CDH23: variants seen among roughly 807,000 people sequenced by gnomAD.
The protein encoded by CDH23 is cadherin related 23, also known as cadherin-23.
In CDH23, 189 loss-of-function variants were observed where a neutral mutation model predicts 317.1. The observed-to-expected ratio is 0.60, with a 90% CI of 0.53 to 0.67. The LOEUF (loss-of-function observed/expected upper bound fraction) is 0.67. Among genes scored for constraint, CDH23 ranks in the 30% least tolerant of loss-of-function variants. The pLI is 0.00. For missense variants in CDH23, 4,401 were observed against 4,592.4 expected, an observed-to-expected ratio of 0.96 and a Z score of 1.20; for synonymous variants, 1,839 against 1,876.8, an observed-to-expected ratio of 0.98 and a Z score of 0.52.
At position 71,785,805 on chromosome 10, in the gene CDH23, C is replaced by T. The variant is rs1440029902; in HGVS notation, c.5820+67C>T. On this transcript the variant is annotated intron_variant, in intron 44 of 69. Transcript: ENST00000224721. ...AGGCGCATGGAGAGAGAACACATCA[C>T]CCCTCCTGCAGGCAGCATAGCCAGG... The T allele has an allele frequency of 7.3e-6, 7 of 961,154 alleles. No individual in the cohort carries two copies. The South Asian group carries it at 8.3e-5, about 11-fold the overall frequency. 59.5% of individuals were successfully genotyped at this position (961,154 alleles called of 1,614,324 possible). A position where few individuals can be genotyped will look rare whatever the true frequency, so the allele number is the denominator to read the frequency against.
At chr10:71,738,712 T>C (rs1476992905) in intron 35 of CDH23, 65 bp downstream of exon 35, 4 of 1,563,390 alleles carry the variant, frequency 2.6e-6, no homozygotes, top group Non-Finnish European at 3.5e-6. Context: ...CTCTCACAGC[T>C]GGAGGGGCCT....
intron 19 of CDH23, among the ~76,000 whole-genome samples, chr10:71,688,889 G>GCC (rs1263305827): frequency 3.3e-5 from 4 of 121,658 alleles, no homozygotes; most frequent in East Asian, 2.5e-4. Context: ...AGCCAGGGGT[G>GCC]GTGGAGCCAG....
Position 71,739,804 on chromosome 10 carries a change from C to G in CDH23, c.4488+32C>G, listed in dbSNP as rs10762474. ...CCTGGCCTCCCTTGGACTGAGAGAC[C>G]ACTGGCTAAGTGCCTAGACCGGTCA... On this transcript the variant is annotated intron_variant, in intron 36 of 69. Transcript: ENST00000224721. The G allele has an allele frequency of 0.55, 871,563 of 1,582,254 alleles. 244,844 individuals carry two copies. Among genetic ancestry groups the G allele is most frequent in the Non-Finnish European group, 0.59 (680,589 of 1,163,138 alleles).
intron 14 of CDH23, among the ~76,000 whole-genome samples, chr10:71,667,685 A>T (rs368419867): frequency 6.6e-6 from 1 of 152,086 alleles, no homozygotes; most frequent in Non-Finnish European, 1.5e-5. Flanking sequence ...GGGCAAATCA[A>T]TGGAAAAGGG....
chr10:71,689,006 G>A (rs185698693), intron 19 of CDH23, among the ~76,000 whole-genome samples: 1 of 104,436 alleles, frequency 9.6e-6, no homozygotes, highest in African/African-American at 3.3e-5. Flanking sequence ...GTGGAGCCAG[G>A]GGTGGTGGAG....
Position 71,751,170 on chromosome 10 carries a change from A to G in CDH23, c.4845+9249A>G, listed in dbSNP as rs1306140457. 1.3e-6 allele frequency: 2 copies of G among 1,484,494 alleles called. No individual in the cohort carries two copies. The highest frequency in any genetic ancestry group is 1.8e-6 in the Non-Finnish European group (2 of 1,089,550). 92.0% of individuals were successfully genotyped at this position (1,484,494 alleles called of 1,614,324 possible). ...AGGGAGGGAACCAGGGCCGAGGCCA[A>G]GGAGGCCACTCACAGAGCCAGCCCT... On this transcript the variant is annotated intron_variant, in intron 38 of 69. Coordinates refer to ENST00000224721, the MANE Select transcript of CDH23 (RefSeq NM_022124.6). This position sits in a 1 kb window ranked among gnomAD's most constrained non-coding sequence, Gnocchi z 4.9.
chr10:71,811,468 G>T lies in CDH23; in HGVS notation c.9198+33G>T, dbSNP rs755700145. On this transcript the variant is annotated intron_variant, in intron 63 of 69. Coordinates refer to ENST00000224721, the MANE Select transcript of CDH23 (RefSeq NM_022124.6). The stretch of plus-strand genomic sequence containing the variant: ...GCGACCGTGCCCCACAGCCCTAGCC[G>T]CCCTCCCCACTGCCCGGGCTTACCC... 12 of 1,613,790 alleles carry T rather than the reference G, an allele frequency of 7.4e-6. No individual in the cohort carries two copies. In the Admixed American group the frequency reaches 1.2e-4, roughly 16 times the overall value.
chr10:71,568,400 G>A (rs1369864178), intron 7 of CDH23, among the ~76,000 whole-genome samples: 1 of 152,212 alleles, frequency 6.6e-6, no homozygotes, highest in Non-Finnish European at 1.5e-5. Context: ...CCCGCTGTGG[G>A]ATAATTTCCA....
At chr10:71,561,372 A>C (rs1857123354) in intron 6 of CDH23, among the ~76,000 whole-genome samples, 3 of 145,770 alleles carry the variant, frequency 2.1e-5, no homozygotes, top group Admixed American at 6.8e-5. Flanking sequence ...TCTCTGCCCC[A>C]CTCCCTCTGG....
At chr10:71,637,129 G>A (rs976132656) in intron 11 of CDH23, among the ~76,000 whole-genome samples, 5 of 152,188 alleles carry the variant, frequency 3.3e-5, no homozygotes, top group African/African-American at 1.2e-4. Flanking sequence ...TGAATTAAGT[G>A]AAAGGATGGA....
intron 1 of CDH23, among the ~76,000 whole-genome samples, chr10:71,413,239 T>C (rs1405179173): frequency 6.6e-6 from 1 of 152,228 alleles, no homozygotes; most frequent in Non-Finnish European, 1.5e-5. Context: ...AAAACTGTCC[T>C]TTCCCCATTG....
At position 71,799,170 on chromosome 10, in the gene CDH23, G is replaced by T; in HGVS notation, c.7114G>T (p.Val2372Leu). ...GGAGGTGCACTGGCTCAACTTTACC[G>T]TGAGGGCCTCAGACAACGGGTCCCC... is the stretch of plus-strand genomic sequence containing the variant. ...YEEVHWLNFT[V>L]RASDNGSPPR... Residue 2372 changes from valine to leucine, a missense_variant, in exon 51 of 70, where the codon GTG becomes TTG. Val to Leu is a conservative substitution (Grantham distance 32, BLOSUM62 1). Transcript: ENST00000224721. The T allele has an allele frequency of 6.2e-7, 1 of 1,614,050 alleles. No individual in the cohort carries two copies. The highest frequency in any genetic ancestry group is 2.2e-5 in the East Asian group (1 of 44,886).
intron 3 of CDH23, among the ~76,000 whole-genome samples, chr10:71,450,867 A>G (rs1279945344): frequency 1.3e-5 from 2 of 151,998 alleles, no homozygotes; most frequent in African/African-American, 2.4e-5. Flanking sequence ...TCCTAGCTTT[A>G]TATTTTCTGT....
At chr10:71,589,197 GC>G (rs1433216875) in intron 9 of CDH23, among the ~76,000 whole-genome samples, 2 of 152,044 alleles carry the variant, frequency 1.3e-5, no homozygotes, top group Non-Finnish European at 2.9e-5. Context: ...TTGGCTCACT[GC>G]AACCTCTGCC....
chr10:71,708,326 A>G (rs1865861911), intron 26 of CDH23, among the ~76,000 whole-genome samples: 1 of 152,122 alleles, frequency 6.6e-6, no homozygotes, highest in Non-Finnish European at 1.5e-5. Context: ...TTCAGTGCAC[A>G]TTCTGCAAGG....
intron 1 of CDH23, among the ~76,000 whole-genome samples, chr10:71,402,650 CTCT>C (rs888286665): frequency 2.6e-5 from 4 of 152,186 alleles, no homozygotes; most frequent in Non-Finnish European, 4.4e-5. Flanking sequence ...GAGGTGAAAA[CTCT>C]TCTTATTTTC....
chr10:71,599,211 C>T (rs1214206128), intron 9 of CDH23, among the ~76,000 whole-genome samples: 2 of 152,130 alleles, frequency 1.3e-5, no homozygotes, highest in East Asian at 1.9e-4. Context: ...TTTTGCTCTT[C>T]TTTTTGTTCT....
rs1260064229 is a variant in CDH23 at position 71,643,806 on chromosome 10, TC to T, written c.1135-53del. 3.9e-6 allele frequency: 3 copies of T among 765,120 alleles called. No homozygotes were observed. The East Asian group carries it at 7.3e-5, about 19-fold the overall frequency. The allele number at this position is 765,120 out of a possible 1,614,324, so 47.4% of individuals were successfully genotyped here. A position where few individuals can be genotyped will look rare whatever the true frequency, so the allele number is the denominator to read the frequency against. On this transcript the variant is annotated intron_variant, in intron 11 of 69. Coordinates refer to ENST00000224721, the MANE Select transcript of CDH23 (RefSeq NM_022124.6). ...GGTTCCTTCCTCCTCTCCATACCTC[TC>T]CGGCTCCTTCTGTCTGTCTCCATAT...
intron 11 of CDH23, among the ~76,000 whole-genome samples, chr10:71,624,287 C>G (rs1039342420): frequency 2.0e-5 from 3 of 152,200 alleles, no homozygotes; most frequent in Admixed American, 1.3e-4. Flanking sequence ...TATTCAAAAC[C>G]CCCTGCAGCA....
Sources: gnomAD v4.1 joint callset for allele counts (sites outside exome capture counted in the v4.1 genomes callset) on GRCh38, gnomAD v4.1.1 for gene constraint, Gnocchi (gnomAD v3.1) non-coding constraint, MANE v1.5 for transcripts, NCBI Gene and HGNC (gene_info 2026-07-23, HGNC 2026-07-21) for gene names.